The following TENM2 variants were observed in gnomAD, a reference collection of about 807,000 sequenced individuals.
TENM2 encodes the protein teneurin transmembrane protein 2.
In TENM2, 52 loss-of-function variants were observed where a neutral mutation model predicts 245.2. That is an observed-to-expected ratio of 0.21 (90% CI 0.17 to 0.27). The LOEUF (loss-of-function observed/expected upper bound fraction) is 0.27. Ranked by LOEUF, TENM2 falls within the 10% of genes least tolerant of loss-of-function variation. The probability of loss-of-function intolerance (pLI) is 1.00; values close to 1 mark genes in which losing one functional copy is unlikely to be tolerated. For missense variants in TENM2, 3,046 were observed against 3,666.8 expected, an observed-to-expected ratio of 0.83 and a Z score of 4.37; for synonymous variants, 1,363 against 1,438.9, an observed-to-expected ratio of 0.95 and a Z score of 1.19.
At chr5:168,030,158 C>CTTTTTTTTTTTTTTTTTT (rs540326142) in intron 5 of TENM2, among the ~76,000 whole-genome samples, 11 of 65,284 alleles carry the variant, frequency 1.7e-4, no homozygotes, top group South Asian at 7.6e-4. Context: ...GGTTCTGGCT[C>CTTTTTTTTTTTTTTTTTT]TTTTTTTTTT....
chr5:167,914,418 G>T (rs144603626), intron 3 of TENM2, among the ~76,000 whole-genome samples: 1 of 152,060 alleles, frequency 6.6e-6, no homozygotes, highest in African/African-American at 2.4e-5. Flanking sequence ...TCATGCTCCT[G>T]TCTCTCTGGT....
At chr5:168,034,056 TATATATATGTGTATATATATGTATAC>T (rs1562076993) in intron 5 of TENM2, among the ~76,000 whole-genome samples, 11 of 146,032 alleles carry the variant, frequency 7.5e-5, no homozygotes, top group Non-Finnish European at 1.5e-4. Context: ...TGTGTATATA[TATATATATGTGTATATATATGTATAC>T]ATATATATGT....
At chr5:167,250,082 C>T in the TENM2 span, among the ~76,000 whole-genome samples, 5 of 152,122 alleles carry the variant, frequency 3.3e-5, no homozygotes, top group Non-Finnish European at 7.4e-5. Flanking sequence ...CCACATGTGG[C>T]CATTAGCACT....
chr5:167,623,423 G>A (rs1251207939), intron 2 of TENM2, among the ~76,000 whole-genome samples: 2 of 151,984 alleles, frequency 1.3e-5, no homozygotes, highest in East Asian at 3.9e-4. Context: ...ACTCCCAGTC[G>A]ATTTATCCAG....
At chr5:167,988,624 T>G (rs1199286684) in intron 4 of TENM2, among the ~76,000 whole-genome samples, 1 of 152,010 alleles carries the variant, frequency 6.6e-6, no homozygotes, top group Non-Finnish European at 1.5e-5. Flanking sequence ...TGATGGGCAA[T>G]AGCAAAAGGA....
intron 1 of TENM2, among the ~76,000 whole-genome samples, chr5:167,285,455 G>A (rs769825626): frequency 1.5e-4 from 23 of 152,084 alleles, no homozygotes; most frequent in Non-Finnish European, 7.4e-5. Context: ...TTCTCTTTTT[G>A]TGTTTCAGAG....
chr5:167,307,703 C>A (rs1755760714), intron 1 of TENM2, among the ~76,000 whole-genome samples: 1 of 152,096 alleles, frequency 6.6e-6, no homozygotes, highest in Non-Finnish European at 1.5e-5. Context: ...TGTTCCTTCC[C>A]CTAAATTCAG....
the TENM2 span, among the ~76,000 whole-genome samples, chr5:167,077,045 C>T: frequency 0.026 from 3,952 of 152,220 alleles, 193 homozygotes; most frequent in African/African-American, 0.091. Context: ...AGGCTGGTCT[C>T]GAACTCCTGA....
intron 2 of TENM2, among the ~76,000 whole-genome samples, chr5:167,800,948 T>A (rs779903443): frequency 6.6e-6 from 1 of 151,760 alleles, no homozygotes; most frequent in Non-Finnish European, 1.5e-5. Context: ...TAGATCTTCC[T>A]TTGTTCTAGA....
intron 7 of TENM2, among the ~76,000 whole-genome samples, chr5:168,089,995 G>A (rs1395790354): frequency 6.6e-6 from 1 of 152,074 alleles, no homozygotes; most frequent in Non-Finnish European, 1.5e-5. Flanking sequence ...AGGCTCCATA[G>A]CCCTCATCAT....
chr5:168,222,707 C>A (rs1763772797), intron 23 of TENM2, among the ~76,000 whole-genome samples: 1 of 152,168 alleles, frequency 6.6e-6, no homozygotes, highest in Admixed American at 6.6e-5. Context: ...TAAAATTACA[C>A]TCTCTACTCC....
At chr5:167,268,910 A>G in the TENM2 span, among the ~76,000 whole-genome samples, 2 of 151,552 alleles carry the variant, frequency 1.3e-5, no homozygotes, top group African/African-American at 2.4e-5. Context: ...AGATAGATAG[A>G]TAGATAGATA....
At chr5:167,331,179 T>C (rs1431598934) in intron 1 of TENM2, among the ~76,000 whole-genome samples, 5 of 135,302 alleles carry the variant, frequency 3.7e-5, no homozygotes. Context: ...GAGACTGCAG[T>C]GAGCCGAGAT....
chr5:167,318,405 T>C (rs946489675), intron 1 of TENM2, among the ~76,000 whole-genome samples: 21 of 152,106 alleles, frequency 1.4e-4, no homozygotes, highest in Admixed American at 1.2e-3. Flanking sequence ...TGTTATGGAA[T>C]TTAAGAATAG....
chr5:167,190,383 C>T, the TENM2 span, among the ~76,000 whole-genome samples: 1 of 151,928 alleles, frequency 6.6e-6, no homozygotes, highest in Non-Finnish European at 1.5e-5. Context: ...CTTCGCATCC[C>T]CTCTTCCTAA....
chr5:167,015,765 A>T, the TENM2 span, among the ~76,000 whole-genome samples: 3 of 152,100 alleles, frequency 2.0e-5, no homozygotes, highest in African/African-American at 4.8e-5. Flanking sequence ...CAAGATCAAG[A>T]TATATTTTTT....
At chr5:166,987,418 A>C in the TENM2 span, among the ~76,000 whole-genome samples, 3 of 98,524 alleles carry the variant, frequency 3.0e-5, no homozygotes, top group Non-Finnish European at 4.9e-5. Context: ...AAGTTTAGTA[A>C]GGGTGTGTGT....
chr5:167,001,527 C>A, the TENM2 span, among the ~76,000 whole-genome samples: 3 of 150,082 alleles, frequency 2.0e-5, no homozygotes, highest in African/African-American at 7.4e-5. Flanking sequence ...TGTCTGAGAT[C>A]TATCCAAAGT....
the TENM2 span, among the ~76,000 whole-genome samples, chr5:167,198,479 G>C: frequency 1.3e-5 from 2 of 152,004 alleles, no homozygotes; most frequent in African/African-American, 2.4e-5. Context: ...ATGGGGAAAT[G>C]GCTCAAAGGT....
Sources: allele counts gnomAD v4.1 joint callset (sites outside exome capture counted in the v4.1 genomes callset), GRCh38; gene constraint gnomAD v4.1.1; transcripts MANE v1.5; gene names NCBI Gene and HGNC (gene_info 2026-07-23, HGNC 2026-07-21).